NELL1: variants seen among roughly 807,000 people sequenced by gnomAD.
NELL1 encodes the protein protein kinase C-binding protein NELL1.
NELL1 carries 76 observed loss-of-function variants against 107.4 expected under a neutral mutation model. The ratio of observed to expected loss-of-function variants is 0.71; its 90% CI spans 0.59 to 0.86. NELL1 has a LOEUF of 0.86. Ranked by LOEUF, NELL1 falls within the 40% of genes least tolerant of loss-of-function variation. The pLI is 0.00. For missense variants in NELL1, 1,024 were observed against 1,005.5 expected, an observed-to-expected ratio of 1.02 and a Z score of -0.25; for synonymous variants, 353 against 341.2, an observed-to-expected ratio of 1.03 and a Z score of -0.38.
At chr11:20,949,590 T>A (rs958723375) in intron 11 of NELL1, among the ~76,000 whole-genome samples, 1 of 152,226 alleles carries the variant, frequency 6.6e-6, no homozygotes, top group Non-Finnish European at 1.5e-5. Context: ...AGCAGAATCA[T>A]TAATTAGGCC....
At chr11:21,074,692 C>A (rs978393998) in intron 12 of NELL1, among the ~76,000 whole-genome samples, 1 of 151,496 alleles carries the variant, frequency 6.6e-6, no homozygotes, top group Non-Finnish European at 1.5e-5. Context: ...TTTTTTAAAG[C>A]AGACTTACTT....
intron 12 of NELL1, among the ~76,000 whole-genome samples, chr11:21,057,352 TGG>T (rs931027886): frequency 2.0e-5 from 3 of 151,902 alleles, no homozygotes; most frequent in African/African-American, 7.2e-5. Flanking sequence ...ACTTTTCTTT[TGG>T]GAAGTGGATG....
At chr11:20,696,696 C>A (rs558082109) in intron 2 of NELL1, among the ~76,000 whole-genome samples, 3 of 152,132 alleles carry the variant, frequency 2.0e-5, no homozygotes, top group South Asian at 2.1e-4. Flanking sequence ...CTACATCTTA[C>A]CATTTATTTT....
intron 4 of NELL1, among the ~76,000 whole-genome samples, chr11:20,865,959 C>G (rs568070414): frequency 6.6e-6 from 1 of 152,156 alleles, no homozygotes; most frequent in East Asian, 1.9e-4. Flanking sequence ...TAGCTGTGTG[C>G]TCTTGGGTGT....
chr11:20,743,123 C>T (rs1855928340), intron 2 of NELL1, among the ~76,000 whole-genome samples: 1 of 151,960 alleles, frequency 6.6e-6, no homozygotes, highest in African/African-American at 2.4e-5. Context: ...GAGGCCTAGG[C>T]AGGTGTATCA....
intron 2 of NELL1, among the ~76,000 whole-genome samples, chr11:20,707,597 C>T (rs1401256537): frequency 2.0e-5 from 3 of 152,172 alleles, no homozygotes; most frequent in Non-Finnish European, 4.4e-5. Flanking sequence ...CAGTCAGGAC[C>T]CTCAGCTGCA....
intron 17 of NELL1, among the ~76,000 whole-genome samples, chr11:21,562,994 T>G (rs932486951): frequency 5.9e-5 from 9 of 152,070 alleles, no homozygotes; most frequent in African/African-American, 1.9e-4. Flanking sequence ...GGCTTTTGTT[T>G]AGATTCTATG....
chr11:21,063,697 G>A (rs1017027355), intron 12 of NELL1, among the ~76,000 whole-genome samples: 1 of 152,152 alleles, frequency 6.6e-6, no homozygotes, highest in Admixed American at 6.5e-5. Context: ...TGTGAGAAGA[G>A]CAAAAAGACG....
intron 14 of NELL1, among the ~76,000 whole-genome samples, chr11:21,370,084 T>A (rs941121760): frequency 1.9e-4 from 28 of 150,564 alleles, no homozygotes; most frequent in African/African-American, 6.5e-4. Flanking sequence ...ACTATTGCAA[T>A]GGAGAGGTTC....
chr11:21,382,417 A>G (rs986178847), intron 15 of NELL1, among the ~76,000 whole-genome samples: 2 of 151,940 alleles, frequency 1.3e-5, no homozygotes, highest in African/African-American at 2.4e-5. Flanking sequence ...GTTACATTAC[A>G]TTTGAATTCA....
intron 12 of NELL1, among the ~76,000 whole-genome samples, chr11:20,985,773 G>A (rs1379860409): frequency 6.6e-6 from 1 of 152,142 alleles, no homozygotes; most frequent in Admixed American, 6.5e-5. Context: ...GAATTTCTTG[G>A]CCACAAGTCT....
chr11:21,237,956 A>G (rs1221761218), intron 14 of NELL1, among the ~76,000 whole-genome samples: 1 of 152,098 alleles, frequency 6.6e-6, no homozygotes, highest in Non-Finnish European at 1.5e-5. Context: ...TACTAAATTT[A>G]TATCTTCAGT....
intron 12 of NELL1, among the ~76,000 whole-genome samples, chr11:21,090,340 T>C (rs1013462998): frequency 2.6e-5 from 4 of 152,178 alleles, no homozygotes; most frequent in African/African-American, 9.6e-5. Context: ...AGTACAGCCA[T>C]GATGTGGATC....
At chr11:20,862,777 G>C (rs991263170) in intron 4 of NELL1, among the ~76,000 whole-genome samples, 2 of 151,994 alleles carry the variant, frequency 1.3e-5, no homozygotes, top group Non-Finnish European at 2.9e-5. Flanking sequence ...GTGTCCCTGC[G>C]TACTTGAGAT....
chr11:20,922,675 G>T (rs1015038434), intron 7 of NELL1, among the ~76,000 whole-genome samples: 19 of 152,092 alleles, frequency 1.2e-4, no homozygotes, highest in Admixed American at 9.8e-4. Flanking sequence ...CAGCAGTTCC[G>T]ATTAAGATGG....
At chr11:20,736,042 G>C (rs1855753721) in intron 2 of NELL1, among the ~76,000 whole-genome samples, 1 of 152,254 alleles carries the variant, frequency 6.6e-6, no homozygotes, top group African/African-American at 2.4e-5. Flanking sequence ...CAGGAGGAAA[G>C]GGAGAGGATA....
intron 2 of NELL1, among the ~76,000 whole-genome samples, chr11:20,726,064 A>G (rs1044950785): frequency 6.6e-6 from 1 of 152,160 alleles, no homozygotes; most frequent in Non-Finnish European, 1.5e-5. Context: ...TGTTGCTGCA[A>G]AGGACATGAT....
chr11:21,364,817 A>G (rs991769128), intron 14 of NELL1, among the ~76,000 whole-genome samples: 11 of 152,188 alleles, frequency 7.2e-5, no homozygotes, highest in African/African-American at 2.7e-4. Flanking sequence ...GGTAGCAGGG[A>G]GATGAGAAGG....
chr11:21,560,190 C>T lies in NELL1; in HGVS notation c.1788C>T (p.Asp596=). ...GCTTCTGTGCTTCCTATATTGCAGACATTGATGAATGTGCCTTAAGAACTC... is the reference window on the plus strand; with the variant it reads ...GCTTCTGTGCTTCCTATATTGCAGATATTGATGAATGTGCCTTAAGAACTC... The part of the protein sequence containing the change: ...TYSLSGESCI[D]IDECALRTHT... Residue 596 remains aspartate, a splice_region_variant and synonymous_variant, in exon 17 of 20, where the codon GAC becomes GAT. Coordinates refer to ENST00000357134, the MANE Select transcript of NELL1 (RefSeq NM_006157.5). The T allele has an allele frequency of 6.2e-7, 1 of 1,613,506 alleles. No homozygotes were observed. Among genetic ancestry groups the T allele is most frequent in the Non-Finnish European group, 8.5e-7 (1 of 1,179,594 alleles).
Sources: gnomAD v4.1 joint callset for allele counts (sites outside exome capture counted in the v4.1 genomes callset) on GRCh38, gnomAD v4.1.1 for gene constraint, MANE v1.5 for transcripts, NCBI Gene and HGNC (gene_info 2026-07-23, HGNC 2026-07-21) for gene names.